Variants in GLRA2 observed in about 807,000 individuals in gnomAD.
The protein encoded by GLRA2 is glycine receptor alpha 2.
In GLRA2, 11 loss-of-function variants were observed where a neutral mutation model predicts 31.6. That is an observed-to-expected ratio of 0.35 (90% CI 0.22 to 0.58). The LOEUF (loss-of-function observed/expected upper bound fraction) is 0.58. Among genes scored for constraint, GLRA2 ranks in the 20% least tolerant of loss-of-function variants. The probability of loss-of-function intolerance (pLI) is 0.84; values close to 1 mark genes in which losing one functional copy is unlikely to be tolerated. For synonymous variants in GLRA2, 132 were observed against 134.0 expected (o/e 0.99, Z 0.10); for missense variants, 212 against 351.8 (o/e 0.60, Z 3.18).
At chrX:14,677,393 T>C (rs2091155547) in intron 7 of GLRA2, among the ~76,000 whole-genome samples, 1 of 111,792 alleles carries the variant, frequency 8.9e-6, no homozygotes, top group South Asian at 3.7e-4. Context: ...AAGTATCCTA[T>C]ACTTTAGTTG....
At position 14,677,053 on chromosome X, in the gene GLRA2, G is replaced by T. The variant is rs1472402010; in HGVS notation, c.931-13657G>T. Among the ~76,000 whole-genome samples, 5 of 111,356 alleles carry T rather than the reference G, an allele frequency of 4.5e-5. No homozygotes were observed. The East Asian group carries it at 1.4e-3, about 31-fold the overall frequency. ...ACCACTTGACTGGTTCTACTTTCCCGCCAGATATATTTGCAAACTACATAA... is the reference window on the plus strand; with the variant it reads ...ACCACTTGACTGGTTCTACTTTCCCTCCAGATATATTTGCAAACTACATAA... On this transcript the variant is annotated intron_variant, in intron 7 of 8. Coordinates refer to ENST00000218075, the MANE Select transcript of GLRA2 (RefSeq NM_002063.4).
intron 7 of GLRA2, among the ~76,000 whole-genome samples, chrX:14,675,529 T>C (rs1427284509): frequency 8.9e-6 from 1 of 111,764 alleles, no homozygotes; most frequent in African/African-American, 3.3e-5. Flanking sequence ...TCAGTGTCTG[T>C]TTCTGCAAAC....
intron 8 of GLRA2, among the ~76,000 whole-genome samples, chrX:14,705,391 T>G (rs1156853923): frequency 8.9e-6 from 1 of 111,768 alleles, no homozygotes; most frequent in East Asian, 2.8e-4. Flanking sequence ...TTGGGGACTG[T>G]GTGTGTTGCT....
chrX:14,725,797 T>A (rs1349120708), intron 8 of GLRA2, among the ~76,000 whole-genome samples: 1 of 111,967 alleles, frequency 8.9e-6, no homozygotes, highest in Non-Finnish European at 1.9e-5. Context: ...ATACATAAAA[T>A]TAGATAATAA....
chrX:14,529,307 A>C (rs1601680639), upstream of GLRA2: 1 of 75,860 alleles, frequency 1.3e-5, no homozygotes, highest in African/African-American at 5.5e-5. Context: ...CACTTCCCTC[A>C]CCCTCTCCGT....
At chrX:14,554,011 A>G (rs2089605153) in intron 2 of GLRA2, among the ~76,000 whole-genome samples, 1 of 112,388 alleles carries the variant, frequency 8.9e-6, no homozygotes, top group Non-Finnish European at 1.9e-5. Flanking sequence ...AACACAAACT[A>G]CGTAAGCACC....
chrX:14,553,971 G>T (rs1359876653), intron 2 of GLRA2, among the ~76,000 whole-genome samples: 1 of 111,984 alleles, frequency 8.9e-6, no homozygotes, highest in Non-Finnish European at 1.9e-5. Context: ...CCTAACAAAT[G>T]ACTTTCACCT....
At chrX:14,729,527 T>C (rs1338912241) in intron 8 of GLRA2, among the ~76,000 whole-genome samples, 2 of 111,863 alleles carry the variant, frequency 1.8e-5, no homozygotes, top group Admixed American at 9.5e-5. Context: ...TCAGCTAAAA[T>C]GACACATTTA....
intron 7 of GLRA2, among the ~76,000 whole-genome samples, chrX:14,623,856 C>T (rs1303522525): frequency 9.9e-5 from 11 of 111,418 alleles, no homozygotes; most frequent in African/African-American, 2.3e-4. Flanking sequence ...GGATGATGCT[C>T]GCCTCATAAA....
chrX:14,616,564 G>T (rs2147103369), intron 7 of GLRA2, among the ~76,000 whole-genome samples: 1 of 111,733 alleles, frequency 8.9e-6, no homozygotes, highest in Admixed American at 9.5e-5. Context: ...TGCCACATTT[G>T]GTCTTGCTTT....
chrX:14,604,398 GT>G lies in GLRA2; in HGVS notation c.577+2del. ...ACCTGTACAATGCAGCTGGAGAGTTGTAAGTCACCACTGTTGAAATGACTCC... is the reference window on the plus strand; with the variant it reads ...ACCTGTACAATGCAGCTGGAGAGTTGAAGTCACCACTGTTGAAATGACTCC... On this transcript the variant is annotated splice_donor_variant, in intron 5 of 8. Transcript: ENST00000218075. LOFTEE classifies it high-confidence loss of function. The G allele has an allele frequency of 9.2e-7, 1 of 1,090,567 alleles. No homozygotes were observed. The highest frequency in any genetic ancestry group is 1.3e-6 in the Non-Finnish European group (1 of 787,775). 89.9% of individuals were successfully genotyped at this position (1,090,567 alleles called of 1,213,427 possible).
At chrX:14,500,869 A>G in the GLRA2 span, among the ~76,000 whole-genome samples, 270 of 110,287 alleles carry the variant, frequency 2.4e-3, no homozygotes, top group African/African-American at 8.5e-3. Context: ...GAATGAAGCC[A>G]GCTTATATCT....
intron 7 of GLRA2, among the ~76,000 whole-genome samples, chrX:14,641,648 T>C (rs942417734): frequency 9.0e-6 from 1 of 111,663 alleles, no homozygotes; most frequent in Non-Finnish European, 1.9e-5. Flanking sequence ...CTCATTAAGT[T>C]TGGCTATTGG....
chrX:14,661,518 TAAGAC>T (rs953699506), intron 7 of GLRA2, among the ~76,000 whole-genome samples: 1 of 111,862 alleles, frequency 8.9e-6, no homozygotes, highest in African/African-American at 3.2e-5. Context: ...GCTGACAGAC[TAAGAC>T]AAGAGAAAAA....
At chrX:14,608,964 C>T (rs375386332) in intron 6 of GLRA2, 27 bp from the exon 7 acceptor site, 5 of 684,262 alleles carry the variant, frequency 7.3e-6, no homozygotes, top group Non-Finnish European at 1.2e-5. Context: ...TCAGGCTGGA[C>T]TTTAAATGAT....
At chrX:14,562,106 A>G (rs1417082555) in intron 2 of GLRA2, among the ~76,000 whole-genome samples, 1 of 112,191 alleles carries the variant, frequency 8.9e-6, no homozygotes, top group Non-Finnish European at 1.9e-5. Context: ...TTTCAGGAAC[A>G]CCATAGTTCA....
chrX:14,548,441 G>A (rs1365892465), intron 2 of GLRA2, among the ~76,000 whole-genome samples: 1 of 111,638 alleles, frequency 9.0e-6, no homozygotes, highest in Non-Finnish European at 1.9e-5. Context: ...TGTTGAGTAA[G>A]TGGATTTATT....
At chrX:14,518,620 T>A in the GLRA2 span, among the ~76,000 whole-genome samples, 1 of 111,036 alleles carries the variant, frequency 9.0e-6, no homozygotes. Context: ...TTATGTACTG[T>A]CTAAAACATG....
At chrX:14,565,484 AT>A (rs2089792456) in intron 2 of GLRA2, among the ~76,000 whole-genome samples, 1 of 105,795 alleles carries the variant, frequency 9.5e-6, no homozygotes, top group Non-Finnish European at 1.9e-5. Flanking sequence ...TTCTCTCATC[AT>A]TTTGGTCAAT....
Sources: gnomAD v4.1 joint callset for allele counts (sites outside exome capture counted in the v4.1 genomes callset) on GRCh38, gnomAD v4.1.1 for gene constraint, MANE v1.5 for transcripts, NCBI Gene and HGNC (gene_info 2026-07-23, HGNC 2026-07-21) for gene names.